The following ECE1 variants were observed in gnomAD, a reference collection of about 807,000 sequenced individuals.
The protein encoded by ECE1 is endothelin-converting enzyme 1.
In ECE1, 35 loss-of-function variants were observed where a neutral mutation model predicts 98.6. That is an observed-to-expected ratio of 0.35 (90% CI 0.27 to 0.47). The LOEUF is 0.47. ECE1 is among the 20% of genes least tolerant of loss of function. The pLI is 1.00. For synonymous variants in ECE1, 394 were observed against 407.1 expected (o/e 0.97, Z 0.39); for missense variants, 814 against 1,025.3 (o/e 0.79, Z 2.81).
chr1:21,245,129 C>T (rs761342769), intron 9 of ECE1, 26 bp from the exon 10 acceptor site: 1 of 1,596,500 alleles, frequency 6.3e-7, no homozygotes. Context: ...GCCAGAGAGG[C>T]TCAGGGACAC....
At chr1:21,334,204 C>G (rs1639263284) in intron 1 of ECE1, among the ~76,000 whole-genome samples, 1 of 152,210 alleles carries the variant, frequency 6.6e-6, no homozygotes, top group African/African-American at 2.4e-5. Context: ...GTCTCTTTCC[C>G]TTTGTGAGCC....
chr1:21,223,291 A>T (rs1411541494), intron 17 of ECE1, among the ~76,000 whole-genome samples: 1 of 143,450 alleles, frequency 7.0e-6, no homozygotes, highest in East Asian at 2.1e-4. Context: ...TTTTATTTTT[A>T]TTTATTTATT....
intron 2 of ECE1, among the ~76,000 whole-genome samples, chr1:21,284,008 G>T (rs1206784440): frequency 7.9e-5 from 12 of 152,320 alleles, no homozygotes; most frequent in Admixed American, 7.2e-4. Context: ...ACTAGGCCAG[G>T]ATCAGGAGGC....
intron 1 of ECE1, among the ~76,000 whole-genome samples, chr1:21,309,130 A>G (rs1329467781): frequency 6.6e-6 from 1 of 152,190 alleles, no homozygotes; most frequent in East Asian, 1.9e-4. Flanking sequence ...ACTCAGGCAC[A>G]CTGGGGTTCC....
intron 8 of ECE1, among the ~76,000 whole-genome samples, chr1:21,255,421 C>T (rs1455085971): frequency 6.6e-6 from 1 of 152,192 alleles, no homozygotes; most frequent in East Asian, 1.9e-4. Flanking sequence ...AGCCCTTGGA[C>T]GTTGGGCTTC....
intron 8 of ECE1, among the ~76,000 whole-genome samples, chr1:21,253,767 T>TA (rs571502222): frequency 0.23 from 27,911 of 119,128 alleles, 3,835 homozygotes; most frequent in African/African-American, 0.44. Flanking sequence ...TGTCTCAAAT[T>TA]AAAAAAAAAA....
At chr1:21,230,302 C>T (rs563969136) in intron 14 of ECE1, among the ~76,000 whole-genome samples, 8 of 152,146 alleles carry the variant, frequency 5.3e-5, no homozygotes, top group Non-Finnish European at 1.0e-4. Flanking sequence ...ATCAGAAGAA[C>T]GTGCACAAGT....
At chr1:21,298,438 C>T (rs978780905) in intron 1 of ECE1, 5 of 307,464 alleles carry the variant, frequency 1.6e-5, no homozygotes, top group Admixed American at 7.9e-5. Context: ...AGTCATTTCA[C>T]TTCAATTTTA....
intron 1 of ECE1, among the ~76,000 whole-genome samples, chr1:21,339,649 C>T (rs1288323652): frequency 1.3e-5 from 2 of 152,216 alleles, no homozygotes; most frequent in Non-Finnish European, 2.9e-5. Flanking sequence ...TTGGTGGTTC[C>T]TAATCCCCTT....
At chr1:21,264,018 G>C (rs1269576282) in intron 4 of ECE1, among the ~76,000 whole-genome samples, 2 of 152,212 alleles carry the variant, frequency 1.3e-5, no homozygotes, top group Non-Finnish European at 2.9e-5. Context: ...GATGGCGGCA[G>C]AGAAGGGGGC....
Position 21,228,108 on chromosome 1 carries a change from G to A in ECE1, c.1671-67C>T. 6.2e-6 allele frequency: 8 copies of A among 1,300,640 alleles called. No individual in the cohort carries two copies. In the South Asian group the frequency reaches 9.0e-5, roughly 15 times the overall value. The allele number at this position is 1,300,640 out of a possible 1,614,324, so 80.6% of individuals were successfully genotyped here. On this transcript the variant is annotated intron_variant, in intron 14 of 18. Coordinates refer to ENST00000374893, the MANE Select transcript of ECE1 (RefSeq NM_001397.3). Reference sequence around the variant, plus strand: ...GAGGCAGGTGGGGACAGCCTGCCTGGAGCGCTGCTTGGGGATCGGGAATAA... The same window carrying A: ...GAGGCAGGTGGGGACAGCCTGCCTGAAGCGCTGCTTGGGGATCGGGAATAA...
In ECE1 at chr1:21,225,200, G is replaced by A. The variant is rs375931957; in HGVS notation, c.2040+50C>T. ...GATGATCCTCTACGGACAGGCATCT[G>A]GAAGGAGCCAGCACTGGGACCGTGC... On this transcript the variant is annotated intron_variant, in intron 17 of 18. Coordinates refer to ENST00000374893, the MANE Select transcript of ECE1 (RefSeq NM_001397.3). This position sits in a 1 kb window ranked among gnomAD's most constrained non-coding sequence, Gnocchi z 5.3. The A allele has an allele frequency of 1.9e-6, 3 of 1,603,832 alleles. No homozygotes were observed. The highest frequency in any genetic ancestry group is 2.6e-6 in the Non-Finnish European group (3 of 1,173,756).
upstream of ECE1, among the ~76,000 whole-genome samples, chr1:21,292,890 C>G (rs1422858084): frequency 6.6e-6 from 1 of 152,198 alleles, no homozygotes; most frequent in Non-Finnish European, 1.5e-5. Flanking sequence ...CATTACCCAT[C>G]CCAGAGAGAG....
Position 21,225,955 on chromosome 1 carries a change from A to G in ECE1, c.1850-515T>C, listed in dbSNP as rs556705254. 6.6e-6 allele frequency among the ~76,000 whole-genome samples: 1 copy of G among 151,880 alleles called. No homozygotes were observed. Among genetic ancestry groups the G allele is most frequent in the African/African-American group, 2.4e-5 (1 of 41,418 alleles). On this transcript the variant is annotated intron_variant, in intron 16 of 18. Transcript: ENST00000374893. The surrounding 1 kb of genome is among the most constrained non-coding windows in gnomAD (Gnocchi z 5.3). ...AGTGATCTGCCCACCTCAGCCTCCC[A>G]AAGTGCTGGGATTACAGGTGTGCGT...
At chr1:21,314,262 G>A (rs1638786463) in intron 1 of ECE1, among the ~76,000 whole-genome samples, 1 of 152,136 alleles carries the variant, frequency 6.6e-6, no homozygotes, top group African/African-American at 2.4e-5. Flanking sequence ...GAATGGCGTG[G>A]GAGTTCTGGG....
chr1:21,224,617 TG>T (rs1226919234), intron 17 of ECE1, among the ~76,000 whole-genome samples: 1 of 152,072 alleles, frequency 6.6e-6, no homozygotes, highest in Non-Finnish European at 1.5e-5. Flanking sequence ...CTGCCGTGGT[TG>T]GGAGGAAGCC....
intron 8 of ECE1, among the ~76,000 whole-genome samples, chr1:21,253,964 G>A (rs1182172679): frequency 2.0e-5 from 3 of 151,116 alleles, no homozygotes; most frequent in East Asian, 2.0e-4. Flanking sequence ...AGCTACTCAG[G>A]AGGCTGAGGC....
chr1:21,293,677 G>A (rs1638266249), upstream of ECE1: 1 of 152,144 alleles, frequency 6.6e-6, no homozygotes, highest in African/African-American at 2.4e-5. Context: ...CAGCCCGGTA[G>A]TGAAACTGAA....
chr1:21,328,345 C>T (rs887585752), intron 1 of ECE1, among the ~76,000 whole-genome samples: 2 of 152,228 alleles, frequency 1.3e-5, no homozygotes, highest in Non-Finnish European at 2.9e-5. Context: ...CAAGACCATG[C>T]CTGCTTGCTA....
Sources: gnomAD v4.1 joint callset for allele counts (sites outside exome capture counted in the v4.1 genomes callset) on GRCh38, gnomAD v4.1.1 for gene constraint, Gnocchi (gnomAD v3.1) non-coding constraint, MANE v1.5 for transcripts, NCBI Gene and HGNC (gene_info 2026-07-23, HGNC 2026-07-21) for gene names.